The following PIH1D2 variants were observed in gnomAD, a reference collection of about 807,000 sequenced individuals.
PIH1D2 encodes PIH1 domain containing 2, also known as PIH1 domain-containing protein 2.
A neutral mutation model predicts 31.2 loss-of-function variants in PIH1D2; 25 were observed. That is an observed-to-expected ratio of 0.80 (90% confidence interval 0.58 to 1.12). PIH1D2 has a LOEUF of 1.12. Ranked by LOEUF, PIH1D2 falls within the 50% of genes most tolerant of loss-of-function variation. The pLI, the probability that PIH1D2 is intolerant of heterozygous loss-of-function variation, is 0.00. For synonymous variants in PIH1D2, 116 were observed against 119.9 expected (o/e 0.97, Z 0.21); for missense variants, 310 against 356.6 (o/e 0.87, Z 1.05).
chr11:112,057,959 CAGTGT>C, the PIH1D2 span, among the ~76,000 whole-genome samples: 1 of 152,174 alleles, frequency 6.6e-6, no homozygotes, highest in African/African-American at 2.4e-5. Context: ...TAGTAGACAA[CAGTGT>C]AGTGTTAAGC....
At chr11:112,059,273 C>T (rs1206351355), downstream of PIH1D2, among the ~76,000 whole-genome samples, 1 of 151,804 alleles carries the variant, frequency 6.6e-6, no homozygotes, top group African/African-American at 2.4e-5. Flanking sequence ...GCTGCATTCA[C>T]GTGTCGGTCA....
downstream of PIH1D2, among the ~76,000 whole-genome samples, chr11:112,060,697 C>A (rs1433612530): frequency 6.6e-6 from 1 of 151,960 alleles, no homozygotes; most frequent in Non-Finnish European, 1.5e-5. Flanking sequence ...AACTCCTGAC[C>A]TCAAATGATC....
At chr11:112,070,253 G>C (rs1227039447) in intron 5 of PIH1D2, 183 bp downstream of exon 5, 1 of 684,680 alleles carries the variant, frequency 1.5e-6, no homozygotes, top group Non-Finnish European at 2.4e-6. Flanking sequence ...TGCATGGTTT[G>C]ATCATTCTAT....
the PIH1D2 span, among the ~76,000 whole-genome samples, chr11:112,057,961 G>GCATAACTTT: frequency 6.6e-6 from 1 of 152,198 alleles, no homozygotes; most frequent in African/African-American, 2.4e-5. Context: ...GTAGACAACA[G>GCATAACTTT]TGTAGTGTTA....
chr11:112,060,975 T>C (rs1162736254), downstream of PIH1D2: 3 of 1,455,332 alleles, frequency 2.1e-6, no homozygotes, highest in Non-Finnish European at 2.8e-6. Context: ...TCACAGAACA[T>C]TTGTCAAGTT....
chr11:112,065,379 A>T (rs1200782242), downstream of PIH1D2, among the ~76,000 whole-genome samples: 3 of 152,256 alleles, frequency 2.0e-5, no homozygotes, highest in Admixed American at 6.5e-5. Context: ...ATACAAACAC[A>T]GATACTGATG....
At chr11:112,064,842 ATTTTT>A (rs11412850), downstream of PIH1D2, among the ~76,000 whole-genome samples, 2 of 134,938 alleles carry the variant, frequency 1.5e-5, no homozygotes. Context: ...TGGTCTCCAA[ATTTTT>A]TTTTTTTTTT....
downstream of PIH1D2, chr11:112,064,367 AAAAATT>A (rs1236238486): frequency 6.1e-6 from 4 of 654,448 alleles, no homozygotes. Context: ...ATGATTATTT[AAAAATT>A]AAAGTATAAA....
chr11:112,068,315 C>G lies in PIH1D2; in HGVS notation c.814-310G>C, dbSNP rs141606370. Among the ~76,000 whole-genome samples, 29 of 152,204 alleles carry G rather than the reference C, an allele frequency of 1.9e-4. No homozygotes were observed. In the East Asian group the frequency reaches 2.1e-3, roughly 11 times the overall value. On this transcript the variant is annotated intron_variant, in intron 5 of 5. Coordinates refer to ENST00000280350, the MANE Select transcript of PIH1D2 (RefSeq NM_138789.4). ...TGATCCATGTTTCATAATGATGAAGCCTTTAGTGAAACTATCACAGTAATT... is the reference window on the plus strand; with the variant it reads ...TGATCCATGTTTCATAATGATGAAGGCTTTAGTGAAACTATCACAGTAATT...
chr11:112,067,860 A>G lies in PIH1D2; in HGVS notation c.*11T>C. 2 of 1,611,658 alleles carry G rather than the reference A, an allele frequency of 1.2e-6. No individual in the cohort carries two copies. Among genetic ancestry groups the G allele is most frequent in the South Asian group, 2.2e-5 (2 of 90,774 alleles). On this transcript the variant is annotated 3_prime_UTR_variant, in exon 6 of 6. Transcript: ENST00000280350. ...TAGCACTGAAAACCCAAAACATATG[A>G]TGCTCTTCTTTCACACCAAAGGCAT...
chr11:112,070,778 G>A, intron 4 of PIH1D2, 77 bp from the exon 5 acceptor site: 1 of 1,450,204 alleles, frequency 6.9e-7, no homozygotes, highest in Non-Finnish European at 9.3e-7. Context: ...AATATATGTG[G>A]TGTTAGTAGA....
At chr11:112,065,792 C>A (rs187882825), downstream of PIH1D2, among the ~76,000 whole-genome samples, 443 of 152,230 alleles carry the variant, frequency 2.9e-3, 7 homozygotes, top group African/African-American at 1.0e-2. Context: ...ACCAGCCTGG[C>A]CAACATGATG....
downstream of PIH1D2, chr11:112,059,788 A>G: frequency 1.2e-6 from 1 of 830,676 alleles, no homozygotes; most frequent in Non-Finnish European, 1.8e-6. Flanking sequence ...TGGCTGAACA[A>G]TAACACACAT....
At chr11:112,057,383 T>G in the PIH1D2 span, among the ~76,000 whole-genome samples, 30 of 152,238 alleles carry the variant, frequency 2.0e-4, no homozygotes, top group African/African-American at 7.2e-4. Context: ...GAGTAAGGCA[T>G]GTCAAAAGCC....
chr11:112,057,990 A>C, the PIH1D2 span, among the ~76,000 whole-genome samples: 3 of 152,218 alleles, frequency 2.0e-5, no homozygotes, highest in Non-Finnish European at 4.4e-5. Flanking sequence ...TTTTGTATGT[A>C]CTAGGAGATC....
At chr11:112,066,332 T>C (rs2135195167), downstream of PIH1D2, among the ~76,000 whole-genome samples, 1 of 152,312 alleles carries the variant, frequency 6.6e-6, no homozygotes, top group Non-Finnish European at 1.5e-5. Context: ...CTACTTTTTT[T>C]GTTCAAATAT....
downstream of PIH1D2, among the ~76,000 whole-genome samples, chr11:112,060,476 CAG>C (rs1409924356): frequency 1.5e-4 from 23 of 151,232 alleles, no homozygotes; most frequent in African/African-American, 4.9e-4. Context: ...TTTTTTGAAA[CAG>C]AGTCTCACTC....
At chr11:112,064,242 G>A (rs377392036), downstream of PIH1D2, 2 of 1,544,680 alleles carry the variant, frequency 1.3e-6, no homozygotes, top group East Asian at 4.7e-5. Context: ...AATAAAAACA[G>A]TTGCCTTCTA....
At position 112,067,910 on chromosome 11, in the gene PIH1D2, T is replaced by C. The variant is rs377735202; in HGVS notation, c.909A>G (p.Lys303=). The part of the protein sequence containing the change: ...DTEMTTAKFI[K]EKSTLIITMP... ...TTGTGATGATTAGCGTGGATTTTTC[T>C]TTGATAAATTTTGCTGTGGTCATTT... The change falls in exon 6 of 6, where the codon AAA becomes AAG. Residue 303 remains lysine (K), a synonymous_variant. Coordinates refer to ENST00000280350, the MANE Select transcript of PIH1D2 (RefSeq NM_138789.4). The C allele has an allele frequency of 3.1e-6, 5 of 1,611,048 alleles. No homozygotes were observed. In the African/African-American group the frequency reaches 5.4e-5, roughly 17 times the overall value.
Sources: gnomAD v4.1 joint callset for allele counts (sites outside exome capture counted in the v4.1 genomes callset) on GRCh38, gnomAD v4.1.1 for gene constraint, MANE v1.5 for transcripts, NCBI Gene and HGNC (gene_info 2026-07-23, HGNC 2026-07-21) for gene names.